ZNF567: variants seen among roughly 807,000 people sequenced by gnomAD.
ZNF567 encodes the protein zinc finger protein 567.
In ZNF567, 36 loss-of-function variants were observed where a neutral mutation model predicts 53.9. The observed-to-expected ratio is 0.67, with a 90% CI of 0.51 to 0.88. The LOEUF (loss-of-function observed/expected upper bound fraction) is 0.88. Ranked by LOEUF, ZNF567 falls within the 40% of genes least tolerant of loss-of-function variation. ZNF567 has a pLI of 0.00. For missense variants in ZNF567, 619 were observed against 764.7 expected, an observed-to-expected ratio of 0.81 and a Z score of 2.25; for synonymous variants, 224 against 260.4, an observed-to-expected ratio of 0.86 and a Z score of 1.35.
downstream of ZNF567, among the ~76,000 whole-genome samples, chr19:36,725,269 C>T (rs1268550438): frequency 6.6e-6 from 1 of 150,916 alleles, no homozygotes; most frequent in Non-Finnish European, 1.5e-5. Flanking sequence ...GTGGTGTGAT[C>T]TCGGCTCACT....
intron 3 of ZNF567, 123 bp from the exon 4 acceptor site, chr19:36,712,263 G>T (rs901192092): frequency 2.9e-5 from 29 of 997,772 alleles, no homozygotes; most frequent in Non-Finnish European, 3.7e-5. Context: ...GGCCAGGGTG[G>T]TTTTTAACTC....
upstream of ZNF567, among the ~76,000 whole-genome samples, chr19:36,683,356 G>A (rs932384233): frequency 6.6e-6 from 1 of 152,128 alleles, no homozygotes; most frequent in East Asian, 1.9e-4. Flanking sequence ...ACAGGGGTGA[G>A]CTATACACCC....
chr19:36,701,423 T>C (rs913378169), intron 3 of ZNF567, among the ~76,000 whole-genome samples: 1 of 151,208 alleles, frequency 6.6e-6, no homozygotes, highest in African/African-American at 2.4e-5. Context: ...GAGAGTTCTG[T>C]AGATGTCTAT....
intron 2 of ZNF567, among the ~76,000 whole-genome samples, chr19:36,691,881 C>T (rs1741572554): frequency 6.6e-6 from 1 of 152,198 alleles, no homozygotes; most frequent in African/African-American, 2.4e-5. Flanking sequence ...CTCCTGAGCT[C>T]ATGCAATCCT....
chr19:36,667,288 C>A, the ZNF567 span, among the ~76,000 whole-genome samples: 2 of 151,290 alleles, frequency 1.3e-5, no homozygotes, highest in Non-Finnish European at 2.9e-5. Flanking sequence ...CACGCCAAGG[C>A]GGGCGGATCA....
the ZNF567 span, among the ~76,000 whole-genome samples, chr19:36,677,050 G>A: frequency 2.0e-5 from 3 of 151,366 alleles, no homozygotes; most frequent in Non-Finnish European, 4.4e-5. Flanking sequence ...AGCTACTTGG[G>A]AGGCTGAGGC....
At chr19:36,702,178 T>G (rs1159133783) in intron 3 of ZNF567, among the ~76,000 whole-genome samples, 1 of 152,134 alleles carries the variant, frequency 6.6e-6, no homozygotes, top group Admixed American at 6.5e-5. Context: ...TCTCCTTCAC[T>G]TATGAAGCTT....
At chr19:36,691,221 G>C (rs982099006) in intron 2 of ZNF567, among the ~76,000 whole-genome samples, 1 of 151,914 alleles carries the variant, frequency 6.6e-6, no homozygotes, top group African/African-American at 2.4e-5. Context: ...GCAGTGGCTT[G>C]ATCATGGCTC....
upstream of ZNF567, among the ~76,000 whole-genome samples, chr19:36,682,764 C>T (rs1356677488): frequency 6.6e-6 from 1 of 151,622 alleles, no homozygotes; most frequent in South Asian, 2.1e-4. Context: ...CCCTCCACCA[C>T]GCCCAGCTAA....
chr19:36,693,329 TG>T (rs1773352140), intron 2 of ZNF567, among the ~76,000 whole-genome samples: 2 of 151,878 alleles, frequency 1.3e-5, no homozygotes, highest in South Asian at 4.2e-4. Flanking sequence ...TAGCTGGATG[TG>T]GGTGGTACAT....
downstream of ZNF567, among the ~76,000 whole-genome samples, chr19:36,723,815 G>A (rs1311836259): frequency 1.3e-5 from 2 of 152,036 alleles, no homozygotes; most frequent in African/African-American, 4.8e-5. Flanking sequence ...GCCTGGCCAA[G>A]AGAGTGAGAC....
chr19:36,695,799 A>C (rs1244216186), intron 3 of ZNF567, among the ~76,000 whole-genome samples: 1 of 152,172 alleles, frequency 6.6e-6, no homozygotes, highest in Non-Finnish European at 1.5e-5. Flanking sequence ...ACTAAATGAA[A>C]ATGTATTACT....
the ZNF567 span, among the ~76,000 whole-genome samples, chr19:36,675,664 C>T: frequency 1.2e-4 from 18 of 152,082 alleles, no homozygotes; most frequent in Admixed American, 9.8e-4. Flanking sequence ...CAGAGCGAGA[C>T]TCCGTCTCAA....
At chr19:36,671,768 A>G in the ZNF567 span, among the ~76,000 whole-genome samples, 1 of 152,182 alleles carries the variant, frequency 6.6e-6, no homozygotes, top group Non-Finnish European at 1.5e-5. Flanking sequence ...ACATTTAATC[A>G]TGGGCCACGA....
chr19:36,724,699 T>C (rs1006501804), downstream of ZNF567, among the ~76,000 whole-genome samples: 1 of 73,680 alleles, frequency 1.4e-5, no homozygotes, highest in African/African-American at 5.3e-5. Context: ...AAAAAAAAAA[T>C]TAGCTGAGCT....
chr19:36,706,848 G>T (rs2039522991), intron 3 of ZNF567, among the ~76,000 whole-genome samples: 1 of 148,954 alleles, frequency 6.7e-6, no homozygotes, highest in Admixed American at 6.7e-5. Context: ...TAGAGGTGGG[G>T]TCTCACTATG....
intron 3 of ZNF567, among the ~76,000 whole-genome samples, chr19:36,707,145 T>C (rs150188322): frequency 6.6e-6 from 1 of 152,132 alleles, no homozygotes; most frequent in African/African-American, 2.4e-5. Flanking sequence ...TTTCCAATTA[T>C]GTTTTCTTTT....
chr19:36,718,534 T>C (rs938439034), intron 5 of ZNF567, among the ~76,000 whole-genome samples: 4 of 152,100 alleles, frequency 2.6e-5, no homozygotes, highest in African/African-American at 9.7e-5. Flanking sequence ...AGGTGATCTG[T>C]GTCCTCCAGA....
At chr19:36,708,584 A>G (rs2145792271) in intron 3 of ZNF567, among the ~76,000 whole-genome samples, 1 of 152,284 alleles carries the variant, frequency 6.6e-6, no homozygotes, top group East Asian at 1.9e-4. Context: ...TTATCTTACA[A>G]AATGGTTTCA....
Sources: allele counts gnomAD v4.1 joint callset (sites outside exome capture counted in the v4.1 genomes callset), GRCh38; gene constraint gnomAD v4.1.1; transcripts MANE v1.5; gene names NCBI Gene and HGNC (gene_info 2026-07-23, HGNC 2026-07-21).